TUBG1: variants seen among roughly 807,000 people sequenced by gnomAD.
The protein encoded by TUBG1 is tubulin gamma-1 chain.
Under a neutral mutation model 53.3 loss-of-function variants are expected in TUBG1, and 22 were observed. The ratio of observed to expected loss-of-function variants is 0.41; its 90% CI spans 0.29 to 0.59. The LOEUF is 0.59. TUBG1 is among the 20% of genes least tolerant of loss of function. The pLI, the probability that TUBG1 is intolerant of heterozygous loss-of-function variation, is 0.26. For missense variants in TUBG1, 217 were observed against 598.9 expected, an observed-to-expected ratio of 0.36 and a Z score of 6.66; for synonymous variants, 198 against 236.7, an observed-to-expected ratio of 0.84 and a Z score of 1.50.
Position 42,610,013 on chromosome 17 carries a change from AT to A in TUBG1, c.50-94del, listed in dbSNP as rs529242283. 1.8e-4 allele frequency: 269 copies of A among 1,457,554 alleles called. 2 individuals are homozygous for A. The highest frequency in any genetic ancestry group is 1.3e-3 in the Admixed American group (64 of 50,840). The allele number at this position is 1,457,554 out of a possible 1,614,324, so 90.3% of individuals were successfully genotyped here. A position where few individuals can be genotyped will look rare whatever the true frequency, so the allele number is the denominator to read the frequency against. On this transcript the variant is annotated intron_variant, in intron 1 of 10. Transcript: ENST00000251413. The stretch of plus-strand genomic sequence containing the variant: ...GGAGAGTCCTGCGGCTTGACTTCTT[AT>A]CCCTGGACGCAGGCGCCCAGTCCCC...
intron 3 of TUBG1, chr17:42,610,840 G>C (rs1016236712): frequency 1.7e-5 from 8 of 465,134 alleles, no homozygotes; most frequent in African/African-American, 1.6e-4. Context: ...AGTACTACAG[G>C]TCCACAGTCC....
At chr17:42,612,211 C>A in intron 4 of TUBG1, 68 bp downstream of exon 4, 2 of 1,540,928 alleles carry the variant, frequency 1.3e-6, no homozygotes, top group South Asian at 1.1e-5. Flanking sequence ...CTAGAAGCGA[C>A]CTGTTAGGAA....
chr17:42,613,825 A>G (rs1185949735), intron 7 of TUBG1, 24 bp from the exon 8 acceptor site: 5 of 1,614,120 alleles, frequency 3.1e-6, no homozygotes, highest in East Asian at 2.2e-5. Flanking sequence ...GCTGAGGCCC[A>G]TAACATGGCA....
intron 7 of TUBG1, 54 bp from the exon 8 acceptor site, chr17:42,613,795 G>A: frequency 6.2e-7 from 1 of 1,614,130 alleles, no homozygotes; most frequent in Non-Finnish European, 8.5e-7. Flanking sequence ...GGTCATTTGG[G>A]GAAGGGAGGT....
chr17:42,613,179 G>T (rs1481932180), intron 6 of TUBG1, 106 bp downstream of exon 6: 1 of 1,495,518 alleles, frequency 6.7e-7, no homozygotes. Flanking sequence ...GCCAGGTGCA[G>T]TGGCTCATGA....
intron 5 of TUBG1, 109 bp downstream of exon 5, chr17:42,612,615 T>A (rs1019302038): frequency 1.9e-6 from 2 of 1,042,216 alleles, no homozygotes; most frequent in Non-Finnish European, 2.9e-6. Flanking sequence ...AGAGTTCTTA[T>A]ATTCCCTCCT....
chr17:42,613,683 A>C lies in TUBG1; in HGVS notation c.643A>C (p.Thr215Pro). 1 of 1,614,018 alleles carries C rather than the reference A, an allele frequency of 6.2e-7. No individual in the cohort carries two copies. Among genetic ancestry groups the C allele is most frequent in the Non-Finnish European group, 8.5e-7 (1 of 1,179,988 alleles). Residue 215 changes from threonine (T) to proline (P), a missense_variant, in exon 7 of 11, where the codon ACA (threonine) becomes CCA (proline). Physicochemically the swap from Thr to Pro is conservative, Grantham distance 38. Coordinates refer to ENST00000251413, the MANE Select transcript of TUBG1 (RefSeq NM_001070.5). ...LDNTALNRIATDRLHIQNPSF... is the reference protein window; with the variant it reads ...LDNTALNRIAPDRLHIQNPSF... Reference sequence around the variant, plus strand: ...CAACACAGCCCTGAACCGGATTGCCACAGACCGCCTGCACATCCAGAACCC... The same window carrying C: ...CAACACAGCCCTGAACCGGATTGCCCCAGACCGCCTGCACATCCAGAACCC...
intron 3 of TUBG1, 81 bp downstream of exon 3, chr17:42,610,671 G>A (rs2052024818): frequency 7.5e-6 from 12 of 1,589,564 alleles, no homozygotes; most frequent in Admixed American, 1.7e-5. Flanking sequence ...AGGGAAAACC[G>A]GATCAGGGAT....
chr17:42,615,181 A>G lies in TUBG1; in HGVS notation c.*140A>G. On this transcript the variant is annotated 3_prime_UTR_variant, in exon 11 of 11. Transcript: ENST00000251413. The stretch of plus-strand genomic sequence containing the variant: ...GGACTCTCTGTTGGCCTGCAAACAC[A>G]TTTACTTCTCCTCTTATGAGACTAT... The G allele has an allele frequency of 2.8e-6, 2 of 720,146 alleles. No homozygotes were observed. The allele number at this position is 720,146 out of a possible 1,614,324, so 44.6% of individuals were successfully genotyped here. A position where few individuals can be genotyped will look rare whatever the true frequency, so the allele number is the denominator to read the frequency against.
chr17:42,611,603 C>A (rs2052034964), intron 3 of TUBG1, among the ~76,000 whole-genome samples: 1 of 152,150 alleles, frequency 6.6e-6, no homozygotes. Context: ...CGCCTGTAAT[C>A]CTAGCACTTT....
intron 5 of TUBG1, 46 bp downstream of exon 5, chr17:42,612,552 C>T (rs1369238772): frequency 3.2e-6 from 5 of 1,574,930 alleles, no homozygotes; most frequent in Non-Finnish European, 4.4e-6. Flanking sequence ...ACTTGGCTTC[C>T]TAAATGACTA....
Position 42,615,128 on chromosome 17 carries a change from AC to A in TUBG1, c.*89del. 1 of 1,319,772 alleles carries A rather than the reference AC, an allele frequency of 7.6e-7. No homozygotes were observed. The highest frequency in any genetic ancestry group is 1.5e-5 in the African/African-American group (1 of 68,750). The allele number at this position is 1,319,772 out of a possible 1,614,324, so 81.8% of individuals were successfully genotyped here. ...CACCCCCTCAGAGCACAGATCAGGG[AC>A]CTCACGCATCTCTTTCTCATATACA... On this transcript the variant is annotated 3_prime_UTR_variant, in exon 11 of 11. Coordinates refer to ENST00000251413, the MANE Select transcript of TUBG1 (RefSeq NM_001070.5).
chr17:42,612,364 A>T, intron 4 of TUBG1, 63 bp from the exon 5 acceptor site: 1 of 1,562,552 alleles, frequency 6.4e-7, no homozygotes, highest in Non-Finnish European at 8.8e-7. Context: ...AAACTATGAG[A>T]TGGGTCTAGT....
intron 3 of TUBG1, 28 bp downstream of exon 3, chr17:42,610,618 A>G: frequency 5.0e-6 from 8 of 1,614,112 alleles, no homozygotes; most frequent in Non-Finnish European, 6.8e-6. Flanking sequence ...GGCAGGGCCC[A>G]CAACTCGCTG....
At chr17:42,613,307 G>T (rs547146899) in intron 6 of TUBG1, among the ~76,000 whole-genome samples, 1 of 151,986 alleles carries the variant, frequency 6.6e-6, no homozygotes, top group Non-Finnish European at 1.5e-5. Flanking sequence ...AAAATTAGTC[G>T]GGAGTGGTGA....
At chr17:42,613,571 C>T (rs990236882) in intron 6 of TUBG1, 76 bp from the exon 7 acceptor site, 2 of 1,607,900 alleles carry the variant, frequency 1.2e-6, no homozygotes, top group Admixed American at 3.3e-5. Context: ...GGAAATTAAG[C>T]TTCAGAGCCT....
At chr17:42,609,882 G>T in intron 1 of TUBG1, 96 bp downstream of exon 1, 2 of 1,468,350 alleles carry the variant, frequency 1.4e-6, no homozygotes, top group Non-Finnish European at 1.8e-6. Flanking sequence ...TGCCAGAATC[G>T]TAGTTCTCTG....
intron 3 of TUBG1, among the ~76,000 whole-genome samples, chr17:42,611,835 G>A (rs942864682): frequency 1.9e-4 from 21 of 111,342 alleles, no homozygotes; most frequent in Non-Finnish European, 4.0e-4. Context: ...CAGCCTGGGA[G>A]AAAGAGAGAG....
At position 42,610,056 on chromosome 17, in the gene TUBG1, C is replaced by T. The variant is rs1448172101; in HGVS notation, c.50-52C>T. On this transcript the variant is annotated intron_variant, in intron 1 of 10. Coordinates refer to ENST00000251413, the MANE Select transcript of TUBG1 (RefSeq NM_001070.5). ...CCAGTCCCCCGGCTCCTGATTGGAA[C>T]CTGCCCGGACCTAGATATCTTCTTT... The T allele has an allele frequency of 5.0e-6, 8 of 1,604,338 alleles. No homozygotes were observed. The Admixed American group carries it at 1.2e-4, about 24-fold the overall frequency.
Sources: gnomAD v4.1 joint callset for allele counts (sites outside exome capture counted in the v4.1 genomes callset) on GRCh38, gnomAD v4.1.1 for gene constraint, MANE v1.5 for transcripts, NCBI Gene and HGNC (gene_info 2026-07-23, HGNC 2026-07-21) for gene names.